Variants in PCDHGB3 observed in about 807,000 individuals in gnomAD.
PCDHGB3 encodes protocadherin gamma subfamily B, 3, also known as protocadherin gamma-B3.
In PCDHGB3, 40 loss-of-function variants were observed where a neutral mutation model predicts 59.2. That is an observed-to-expected ratio of 0.68 (90% CI 0.52 to 0.88). The LOEUF (loss-of-function observed/expected upper bound fraction) is 0.88, where lower values mean the gene tolerates loss of function less well. Among genes scored for constraint, PCDHGB3 ranks in the 40% least tolerant of loss-of-function variants. The probability of loss-of-function intolerance (pLI) is 0.00; values close to 1 mark genes in which losing one functional copy is unlikely to be tolerated. For missense variants in PCDHGB3, 1,309 were observed against 1,187.9 expected, an observed-to-expected ratio of 1.10 and a Z score of -1.50; for synonymous variants, 581 against 503.6, an observed-to-expected ratio of 1.15 and a Z score of -2.06.
At chr5:141,374,447 G>C in intron 1 of PCDHGB3, 1 of 1,613,798 alleles carries the variant, frequency 6.2e-7, no homozygotes, top group Non-Finnish European at 8.5e-7. Flanking sequence ...CGTGGAAGTG[G>C]AAATAGTGGA....
At chr5:141,420,469 T>C in intron 1 of PCDHGB3, 1 of 724,306 alleles carries the variant, frequency 1.4e-6, no homozygotes. Flanking sequence ...AAAGACATTT[T>C]AAAGCAAACT....
In PCDHGB3 at chr5:141,371,677, G is replaced by A. The variant is rs751155238; in HGVS notation, c.1283G>A (p.Gly428Asp). ...GTGACGATCACAGCTACCGACAAAG[G>A]CAATCCACCGCTCTCCTCCAGCAAG... is the stretch of plus-strand genomic sequence containing the variant. The part of the protein sequence containing the change: ...YNVTITATDK[G>D]NPPLSSSKTI... Residue 428 changes from glycine (G) to aspartate (D), a missense_variant, in exon 1 of 4, where the codon GGC (glycine) becomes GAC (aspartate). Transcript: ENST00000576222. 3 of 1,613,896 alleles carry A rather than the reference G, an allele frequency of 1.9e-6. No individual in the cohort carries two copies. The highest frequency in any genetic ancestry group is 2.5e-6 in the Non-Finnish European group (3 of 1,179,900).
intron 1 of PCDHGB3, among the ~76,000 whole-genome samples, chr5:141,463,948 C>A (rs1397198849): frequency 6.6e-6 from 1 of 151,846 alleles, no homozygotes; most frequent in Non-Finnish European, 1.5e-5. Context: ...TAGAAATCTT[C>A]ATTTTTAAAA....
Position 141,477,553 on chromosome 5 carries a change from A to G in PCDHGB3, c.2416-17254A>G. ...TCCCCGGGGCTCCAATACTAAACCTAAGTGTCTGGGACCCCGACGCCCCGC... is the reference window on the plus strand; with the variant it reads ...TCCCCGGGGCTCCAATACTAAACCTGAGTGTCTGGGACCCCGACGCCCCGC... On this transcript the variant is annotated intron_variant, in intron 1 of 3. Transcript: ENST00000576222. This position sits in a 1 kb window ranked among gnomAD's most constrained non-coding sequence, Gnocchi z 4.9. 5 of 1,614,090 alleles carry G rather than the reference A, an allele frequency of 3.1e-6. No individual in the cohort carries two copies. The highest frequency in any genetic ancestry group is 4.2e-6 in the Non-Finnish European group (5 of 1,180,020).
chr5:141,469,517 G>A (rs1416478511), intron 1 of PCDHGB3, among the ~76,000 whole-genome samples: 1 of 152,198 alleles, frequency 6.6e-6, no homozygotes, highest in Non-Finnish European at 1.5e-5. Flanking sequence ...GGAGGTTGCA[G>A]TGAGCCAAGA....
At chr5:141,440,763 T>A (rs2098198978) in intron 1 of PCDHGB3, 1 of 152,138 alleles carries the variant, frequency 6.6e-6, no homozygotes, top group Admixed American at 6.6e-5. Flanking sequence ...AGAGCTCCCA[T>A]CCCTTAGTGC....
Position 141,376,684 on chromosome 5 carries a change from T to G in PCDHGB3, c.2415+3875T>G, listed in dbSNP as rs574993154. 1.2e-3 allele frequency: 1,011 copies of G among 809,238 alleles called. 6 individuals carry two copies. Among genetic ancestry groups the G allele is most frequent in the Non-Finnish European group, 1.3e-3 (680 of 543,972 alleles). The allele number at this position is 809,238 out of a possible 1,614,324, so 50.1% of individuals were successfully genotyped here. On this transcript the variant is annotated intron_variant, in intron 1 of 3. Coordinates refer to ENST00000576222, the MANE Select transcript of PCDHGB3 (RefSeq NM_018924.5). ...GTTCAGGTGAGGGTATCGTTTTTTT[T>G]TTTTTTTTTTTTTGAGACGGAGTCT...
At chr5:141,467,537 A>G (rs2154569542) in intron 1 of PCDHGB3, among the ~76,000 whole-genome samples, 1 of 152,192 alleles carries the variant, frequency 6.6e-6, no homozygotes, top group Non-Finnish European at 1.5e-5. Context: ...TGAGATATGG[A>G]TCTGATTATA....
intron 1 of PCDHGB3, chr5:141,408,201 C>A: frequency 6.5e-7 from 1 of 1,549,032 alleles, no homozygotes; most frequent in Non-Finnish European, 8.7e-7. Context: ...CCCGAGCGAA[C>A]GATGGGAGGG....
At chr5:141,389,161 G>A (rs2091630816) in intron 1 of PCDHGB3, 1 of 1,613,878 alleles carries the variant, frequency 6.2e-7, no homozygotes, top group African/African-American at 1.3e-5. Flanking sequence ...ACAGATCGGG[G>A]CAAGCCTCCC....
chr5:141,506,742 A>G (rs1475692668), intron 3 of PCDHGB3, among the ~76,000 whole-genome samples: 5 of 152,172 alleles, frequency 3.3e-5, no homozygotes, highest in Non-Finnish European at 7.3e-5. Context: ...AATGCCTATT[A>G]ATAAAGACTA....
chr5:141,429,631 G>A (rs1272926056), intron 1 of PCDHGB3, among the ~76,000 whole-genome samples: 1 of 152,132 alleles, frequency 6.6e-6, no homozygotes, highest in Non-Finnish European at 1.5e-5. Context: ...TTTTCTCACA[G>A]CTACCTATAT....
Position 141,372,333 on chromosome 5 carries a change from C to T in PCDHGB3, c.1939C>T (p.Arg647Cys), listed in dbSNP as rs376897075. Residue 647 changes from arginine (R) to cysteine (C), a missense_variant, in exon 1 of 4, where the codon CGT becomes TGT. By Grantham distance (180) the Arg-to-Cys change is radical. Transcript: ENST00000576222. The stretch of plus-strand genomic sequence containing the variant: ...CCGCCAGCGCCTGCTGGTCACTGTG[C>T]GTGATGGAGGACAGCAGCCTCTTTC... ...AARQRLLVTVRDGGQQPLSAT... is the reference protein window; with the variant it reads ...AARQRLLVTVCDGGQQPLSAT... 5.9e-5 allele frequency: 96 copies of T among 1,613,614 alleles called. No homozygotes were observed. Among genetic ancestry groups the T allele is most frequent in the Non-Finnish European group, 7.9e-5 (93 of 1,179,914 alleles).
In PCDHGB3 at chr5:141,477,868, C is replaced by T. The variant is rs1450078298; in HGVS notation, c.2416-16939C>T. 2 of 1,613,750 alleles carry T rather than the reference C, an allele frequency of 1.2e-6. No individual in the cohort carries two copies. Among genetic ancestry groups the T allele is most frequent in the Admixed American group, 3.3e-5 (2 of 59,988 alleles). On this transcript the variant is annotated intron_variant, in intron 1 of 3. Coordinates refer to ENST00000576222, the MANE Select transcript of PCDHGB3 (RefSeq NM_018924.5). This position sits in a 1 kb window ranked among gnomAD's most constrained non-coding sequence, Gnocchi z 4.9. ...CGGTGGAGATGCTGCCTCGAGGTAC[C>T]TCAGCTGGCCACCTAGTGTCACGGG...
chr5:141,428,145 A>G (rs748256830), intron 1 of PCDHGB3: 10 of 1,592,574 alleles, frequency 6.3e-6, no homozygotes, highest in African/African-American at 1.3e-5. Context: ...GGGGCTGCAC[A>G]CGGGAACCTG....
intron 1 of PCDHGB3, chr5:141,376,346 C>T (rs1772586691): frequency 2.5e-6 from 4 of 1,614,194 alleles, no homozygotes; most frequent in East Asian, 4.5e-5. Context: ...GACCTATTCC[C>T]ACGAGGTCTC....
intron 1 of PCDHGB3, chr5:141,376,712 C>A (rs1323983418): frequency 3.2e-6 from 2 of 620,108 alleles, no homozygotes; most frequent in South Asian, 2.1e-5. Context: ...CGGAGTCTCG[C>A]TCTGTCGCCC....
At chr5:141,428,141 G>A (rs1314061143) in intron 1 of PCDHGB3, 1 of 1,596,618 alleles carries the variant, frequency 6.3e-7, no homozygotes, top group Non-Finnish European at 8.6e-7. Context: ...GCCTGGGGCT[G>A]CACACGGGAA....
At chr5:141,394,400 G>A (rs747087099) in intron 1 of PCDHGB3, 2 of 1,614,246 alleles carry the variant, frequency 1.2e-6, no homozygotes, top group South Asian at 2.2e-5. Flanking sequence ...GAGACCTGCA[G>A]CTACTGGTAA....
Sources: allele counts gnomAD v4.1 joint callset (sites outside exome capture counted in the v4.1 genomes callset), GRCh38; gene constraint gnomAD v4.1.1; non-coding constraint Gnocchi (gnomAD v3.1); transcripts MANE v1.5; gene names NCBI Gene and HGNC (gene_info 2026-07-23, HGNC 2026-07-21).